Variants in METTL8 observed in about 807,000 individuals in gnomAD.
METTL8 encodes methyltransferase 8, tRNA N3-cytidine, also known as tRNA N(3)-cytidine methyltransferase METTL8, mitochondrial.
A neutral mutation model predicts 48.7 loss-of-function variants in METTL8; 32 were observed. The ratio of observed to expected loss-of-function variants is 0.66; its 90% CI spans 0.50 to 0.88. The LOEUF (loss-of-function observed/expected upper bound fraction) is 0.88. METTL8 is among the 40% of genes least tolerant of loss of function. The pLI is 0.00. For synonymous variants in METTL8, 136 were observed against 157.1 expected (o/e 0.87, Z 1.01); for missense variants, 464 against 474.4 (o/e 0.98, Z 0.20).
intron 2 of METTL8, 100 bp from the exon 3 acceptor site, chr2:171,360,613 C>G: frequency 1.0e-6 from 1 of 964,958 alleles, no homozygotes; most frequent in African/African-American, 1.6e-5. Context: ...TAGCTGAAGA[C>G]ATATGATACA....
chr2:171,319,863 T>G lies in METTL8; in HGVS notation c.*4309A>C, dbSNP rs1684443607. On this transcript the variant is annotated 3_prime_UTR_variant, in exon 10 of 10. Coordinates refer to ENST00000375258, the MANE Select transcript of METTL8 (RefSeq NM_001321154.2). ...ATGAAGGGTGCATTTAAACAATATA[T>G]TCCATTGTTTCTGTACTGTAAGAAG... The G allele has an allele frequency of 6.6e-6, 1 of 152,192 alleles. No homozygotes were observed. The allele number at this position is 152,192 out of a possible 1,614,324, so 9.4% of individuals were successfully genotyped here. A position where few individuals can be genotyped will look rare whatever the true frequency, so the allele number is the denominator to read the frequency against.
chr2:171,366,648 T>C (rs1685744366), intron 2 of METTL8, among the ~76,000 whole-genome samples: 1 of 152,100 alleles, frequency 6.6e-6, no homozygotes, highest in Non-Finnish European at 1.5e-5. Context: ...AATGCACAGA[T>C]GGAAGAAATC....
Position 171,324,070 on chromosome 2 carries a change from ATTCTC to A in METTL8, c.*97_*101del. The A allele has an allele frequency of 1.0e-6, 1 of 979,654 alleles. No homozygotes were observed. The highest frequency in any genetic ancestry group is 1.7e-5 in the African/African-American group (1 of 60,598). The allele number at this position is 979,654 out of a possible 1,614,324, so 60.7% of individuals were successfully genotyped here. ...TATGACAAAACGGCAGGAAATACAA[ATTCTC>A]TTCTTTTTTTCTCATTGTCTTTTGA... On this transcript the variant is annotated 3_prime_UTR_variant, in exon 10 of 10. Transcript: ENST00000375258.
intron 1 of METTL8, among the ~76,000 whole-genome samples, chr2:171,407,399 T>A (rs1690299386): frequency 6.6e-6 from 1 of 151,644 alleles, no homozygotes; most frequent in South Asian, 2.1e-4. Flanking sequence ...TGGTTAGGAA[T>A]GAGGCCTTCT....
intron 6 of METTL8, 34 bp downstream of exon 6, chr2:171,331,770 G>A (rs1255239171): frequency 1.3e-6 from 2 of 1,509,354 alleles, no homozygotes; most frequent in Non-Finnish European, 1.8e-6. Flanking sequence ...AATACCTTAG[G>A]CATCAGTTGG....
intron 2 of METTL8, 104 bp from the exon 3 acceptor site, chr2:171,360,617 T>C (rs758650367): frequency 6.6e-6 from 6 of 903,554 alleles, no homozygotes; most frequent in East Asian, 5.3e-5. Context: ...TGAAGACATA[T>C]GATACAGACT....
At chr2:171,394,272 C>A (rs190894105) in intron 1 of METTL8, among the ~76,000 whole-genome samples, 1 of 152,156 alleles carries the variant, frequency 6.6e-6, no homozygotes, top group East Asian at 1.9e-4. Context: ...AGAGGCAATT[C>A]ATGCTCAAAA....
upstream of METTL8, chr2:171,434,403 T>C: frequency 8.7e-7 from 1 of 1,143,776 alleles, no homozygotes; most frequent in Non-Finnish European, 1.3e-6. Flanking sequence ...GCGGCTCTGC[T>C]TTCCCTCGCC....
chr2:171,400,841 GT>G (rs942894056), intron 1 of METTL8, among the ~76,000 whole-genome samples: 5 of 152,128 alleles, frequency 3.3e-5, no homozygotes, highest in African/African-American at 1.2e-4. Flanking sequence ...CAGTACTGCT[GT>G]TTGTGTGAAT....
At chr2:171,326,706 A>T (rs201202313) in intron 7 of METTL8, among the ~76,000 whole-genome samples, 1 of 135,368 alleles carries the variant, frequency 7.4e-6, no homozygotes, top group Non-Finnish European at 1.6e-5. Context: ...GTCCTCTTTA[A>T]TTTTTATTTT....
At chr2:171,406,100 GC>G (rs1690151969) in intron 1 of METTL8, among the ~76,000 whole-genome samples, 1 of 152,136 alleles carries the variant, frequency 6.6e-6, no homozygotes, top group African/African-American at 2.4e-5. Context: ...TTTCTGAGAG[GC>G]CAGAGTGGAC....
intron 6 of METTL8, 72 bp downstream of exon 6, chr2:171,331,732 A>C (rs1685556310): frequency 7.8e-7 from 1 of 1,283,506 alleles, no homozygotes; most frequent in Non-Finnish European, 1.1e-6. Flanking sequence ...TGATCTTAAA[A>C]TCAAAACAAC....
At chr2:171,411,536 C>T (rs995945943) in intron 1 of METTL8, among the ~76,000 whole-genome samples, 3 of 152,142 alleles carry the variant, frequency 2.0e-5, no homozygotes, top group African/African-American at 7.2e-5. Flanking sequence ...TATAAGAATT[C>T]CATTTGTAAT....
intron 1 of METTL8, among the ~76,000 whole-genome samples, chr2:171,392,717 T>C (rs1688688357): frequency 6.6e-6 from 1 of 152,188 alleles, no homozygotes; most frequent in Non-Finnish European, 1.5e-5. Context: ...GACAGAATCT[T>C]AGCAATTATT....
intron 2 of METTL8, among the ~76,000 whole-genome samples, chr2:171,376,876 C>A (rs959022847): frequency 4.6e-5 from 7 of 152,050 alleles, no homozygotes; most frequent in Non-Finnish European, 8.8e-5. Flanking sequence ...AAAAAAGAGC[C>A]CATAGAGCCA....
At chr2:171,371,942 G>A (rs1465644001) in intron 2 of METTL8, among the ~76,000 whole-genome samples, 1 of 151,598 alleles carries the variant, frequency 6.6e-6, no homozygotes, top group Non-Finnish European at 1.5e-5. Context: ...TTCCTGCCTG[G>A]CCTCCCATAC....
chr2:171,386,317 T>C (rs1384743131), intron 2 of METTL8, among the ~76,000 whole-genome samples: 1 of 152,220 alleles, frequency 6.6e-6, no homozygotes, highest in Non-Finnish European at 1.5e-5. Flanking sequence ...TCATAGCCTG[T>C]GATAACTATC....
chr2:171,336,556 C>T (rs1686134792), intron 5 of METTL8, among the ~76,000 whole-genome samples: 1 of 152,098 alleles, frequency 6.6e-6, no homozygotes, highest in Non-Finnish European at 1.5e-5. Flanking sequence ...CGCCCGCCAC[C>T]ACGCCTGGCT....
intron 7 of METTL8, 119 bp downstream of exon 7, chr2:171,330,440 C>T: frequency 6.4e-6 from 6 of 940,248 alleles, no homozygotes; most frequent in Non-Finnish European, 9.7e-6. Context: ...GTGTATTATA[C>T]ATAATGTTGC....
Sources: gnomAD v4.1 joint callset for allele counts (sites outside exome capture counted in the v4.1 genomes callset) on GRCh38, gnomAD v4.1.1 for gene constraint, MANE v1.5 for transcripts, NCBI Gene and HGNC (gene_info 2026-07-23, HGNC 2026-07-21) for gene names.